The following DNAH6 variants were observed in gnomAD, a reference collection of about 807,000 sequenced individuals.
The protein encoded by DNAH6 is axonemal beta dynein heavy chain 6.
A neutral mutation model predicts 491.4 loss-of-function variants in DNAH6; 340 were observed. The ratio of observed to expected loss-of-function variants is 0.69; its 90% CI spans 0.63 to 0.76. The LOEUF (loss-of-function observed/expected upper bound fraction) is 0.76. Ranked by LOEUF, DNAH6 falls within the 30% of genes least tolerant of loss-of-function variation. The pLI is 0.00. For missense variants in DNAH6, 4,443 were observed against 4,972.2 expected (o/e 0.89, Z 3.20); for synonymous variants, 1,603 against 1,686.1 (o/e 0.95, Z 1.21).
chr2:84,807,448 C>T (rs974508206), intron 71 of DNAH6, among the ~76,000 whole-genome samples: 5 of 152,210 alleles, frequency 3.3e-5, no homozygotes, highest in African/African-American at 1.2e-4. Context: ...CATTTTCCAT[C>T]CAGTTTGAAC....
chr2:84,702,078 A>G (rs191175502), intron 49 of DNAH6, among the ~76,000 whole-genome samples: 88 of 152,346 alleles, frequency 5.8e-4, no homozygotes, highest in Non-Finnish European at 1.0e-3. Context: ...TACAGAGGAA[A>G]ACATTTTGTT....
chr2:84,573,393 TG>T (rs1682090966), intron 11 of DNAH6, 73 bp from the exon 12 acceptor site: 7 of 1,277,030 alleles, frequency 5.5e-6, no homozygotes, highest in Non-Finnish European at 7.6e-6. Context: ...CTTGTTTCTT[TG>T]TTTAGTTGTA....
chr2:84,741,446 C>T (rs1288235761), intron 62 of DNAH6, among the ~76,000 whole-genome samples: 1 of 151,970 alleles, frequency 6.6e-6, no homozygotes, highest in Non-Finnish European at 1.5e-5. Flanking sequence ...CTTAGCCAAG[C>T]AGAGGCTACA....
In DNAH6 at chr2:84,719,255, T is replaced by C. The variant is rs1447032068; in HGVS notation, c.9792+871T>C. 2.0e-5 allele frequency among the ~76,000 whole-genome samples: 3 copies of C among 152,222 alleles called. No individual in the cohort carries two copies. The East Asian group carries it at 5.8e-4, about 29-fold the overall frequency. On this transcript the variant is annotated intron_variant, in intron 59 of 76. Transcript: ENST00000389394. ...TTTTCTTCCTCTCTGCTTTAGCTTG[T>C]TTGTTCATAGATCTCTTTATCCTCC...
chr2:84,540,085 A>C (rs994058144), intron 4 of DNAH6, among the ~76,000 whole-genome samples: 3 of 152,184 alleles, frequency 2.0e-5, no homozygotes, highest in African/African-American at 2.4e-5. Context: ...AGAGTTGTAT[A>C]GGGCCACAAG....
intron 11 of DNAH6, among the ~76,000 whole-genome samples, chr2:84,558,311 C>G (rs1013847420): frequency 1.3e-5 from 2 of 151,570 alleles, no homozygotes; most frequent in African/African-American, 4.9e-5. Flanking sequence ...GCCTGTAGTC[C>G]CAACTTGGGA....
At chr2:84,552,864 GT>G in intron 9 of DNAH6, 53 bp from the exon 10 acceptor site, 7 of 1,012,470 alleles carry the variant, frequency 6.9e-6, no homozygotes, top group Non-Finnish European at 1.0e-5. Flanking sequence ...TTTTTATTTT[GT>G]TTTAGACCTT....
intron 65 of DNAH6, 67 bp from the exon 66 acceptor site, chr2:84,784,655 T>A: frequency 1.0e-6 from 1 of 953,702 alleles, no homozygotes; most frequent in Non-Finnish European, 1.6e-6. Context: ...TAATCATGTC[T>A]TATAGAAAAG....
chr2:84,781,709 T>G, intron 65 of DNAH6, 56 bp downstream of exon 65: 1 of 1,481,168 alleles, frequency 6.8e-7, no homozygotes, highest in South Asian at 1.4e-5. Flanking sequence ...AACCTTTTCT[T>G]GTTGAATTCA....
At chr2:84,536,451 G>A (rs72939148) in intron 4 of DNAH6, among the ~76,000 whole-genome samples, 1,677 of 152,130 alleles carry the variant, frequency 0.011, 28 homozygotes, top group African/African-American at 0.037. Context: ...TTTTTTAGAC[G>A]CTGCTGTGGA....
At chr2:84,749,644 A>G (rs1673281710) in intron 63 of DNAH6, among the ~76,000 whole-genome samples, 1 of 152,222 alleles carries the variant, frequency 6.6e-6, no homozygotes, top group African/African-American at 2.4e-5. Context: ...ATAAATCAGT[A>G]ACACTTTGTT....
In DNAH6 at chr2:84,722,695, G is replaced by A. The variant is rs887334266; in HGVS notation, c.9863G>A (p.Arg3288His). Residue 3288 changes from arginine (R) to histidine (H), a missense_variant, in exon 60 of 77, where the codon CGT (arginine) becomes CAT (histidine). Transcript: ENST00000389394. ...ESTEQMINVA[R>H]EKYRPVATQG... ...ACTGAGCAGATGATCAATGTGGCTCGTGAGAAGTATCGTCCAGTGGCCACT... is the reference window on the plus strand; with the variant it reads ...ACTGAGCAGATGATCAATGTGGCTCATGAGAAGTATCGTCCAGTGGCCACT... 2.1e-5 allele frequency: 33 copies of A among 1,549,220 alleles called. No homozygotes were observed. Among genetic ancestry groups the A allele is most frequent in the African/African-American group, 1.1e-4 (8 of 72,972 alleles).
chr2:84,812,895 G>A (rs1680130642), intron 73 of DNAH6, among the ~76,000 whole-genome samples, 163 bp from the exon 74 acceptor site: 1 of 152,198 alleles, frequency 6.6e-6, no homozygotes, highest in Non-Finnish European at 1.5e-5. Flanking sequence ...CAGGCTGGCA[G>A]AACAGGAAGG....
At position 84,770,932 on chromosome 2, in the gene DNAH6, G is replaced by A. The variant is rs555378424; in HGVS notation, c.10703+7987G>A. On this transcript the variant is annotated intron_variant, in intron 64 of 76. Transcript: ENST00000389394. ...TTGAGCCCAGGACTTTGAGGTTCCA[G>A]TGATCTAAGATCATGCCACTGCACT... Among the ~76,000 whole-genome samples, 12 of 151,864 alleles carry A rather than the reference G, an allele frequency of 7.9e-5. 1 individual carries two copies. The South Asian group carries it at 1.7e-3, about 21-fold the overall frequency.
chr2:84,625,239 T>C (rs1400249790), intron 29 of DNAH6, among the ~76,000 whole-genome samples, 176 bp downstream of exon 29: 1 of 152,040 alleles, frequency 6.6e-6, no homozygotes, highest in Non-Finnish European at 1.5e-5. Flanking sequence ...CAACACGTGG[T>C]GGTCTGGGTA....
chr2:84,683,294 T>G (rs993725508), intron 42 of DNAH6, among the ~76,000 whole-genome samples: 10 of 152,126 alleles, frequency 6.6e-5, no homozygotes, highest in Non-Finnish European at 1.3e-4. Context: ...AATGAATGTC[T>G]AGATGAATAA....
chr2:84,789,073 C>T (rs1220204655), intron 68 of DNAH6, among the ~76,000 whole-genome samples: 1 of 152,122 alleles, frequency 6.6e-6, no homozygotes, highest in African/African-American at 2.4e-5. Context: ...AATATTGATA[C>T]TTTACAAAAA....
chr2:84,618,744 A>G (rs1307981613), intron 23 of DNAH6, among the ~76,000 whole-genome samples: 1 of 152,208 alleles, frequency 6.6e-6, no homozygotes, highest in Non-Finnish European at 1.5e-5. Flanking sequence ...GAGATTAAAC[A>G]TAATACAAGA....
At chr2:84,732,651 A>G (rs950307536) in intron 61 of DNAH6, among the ~76,000 whole-genome samples, 1 of 152,216 alleles carries the variant, frequency 6.6e-6, no homozygotes, top group Non-Finnish European at 1.5e-5. Flanking sequence ...AGTAATAGCT[A>G]AGGGGTACAC....
Sources: gnomAD v4.1 joint callset for allele counts (sites outside exome capture counted in the v4.1 genomes callset) on GRCh38, gnomAD v4.1.1 for gene constraint, MANE v1.5 for transcripts, NCBI Gene and HGNC (gene_info 2026-07-23, HGNC 2026-07-21) for gene names.